The following FAT1 variants were observed in gnomAD, a reference collection of about 807,000 sequenced individuals.
FAT1 encodes the protein FAT atypical cadherin 1, also known as protocadherin Fat 1.
A neutral mutation model predicts 329.8 loss-of-function variants in FAT1; 171 were observed. The observed-to-expected ratio is 0.52, with a 90% CI of 0.46 to 0.59. FAT1 has a LOEUF of 0.59. FAT1 is among the 20% of genes least tolerant of loss of function. The probability of loss-of-function intolerance (pLI) is 0.00; values close to 1 mark genes in which losing one functional copy is unlikely to be tolerated. For missense variants in FAT1, 5,672 were observed against 5,774.4 expected (o/e 0.98, Z 0.57); for synonymous variants, 2,233 against 2,228.6 (o/e 1.00, Z -0.06).
intron 4 of FAT1, 92 bp from the exon 5 acceptor site, chr4:186,637,006 A>C: frequency 1.7e-6 from 2 of 1,182,268 alleles, no homozygotes; most frequent in Non-Finnish European, 2.4e-6. Flanking sequence ...ATGTGTGTAA[A>C]GCTCTGCATT....
intron 6 of FAT1, among the ~76,000 whole-genome samples, chr4:186,635,716 G>C (rs1740789327): frequency 6.6e-6 from 1 of 152,154 alleles, no homozygotes; most frequent in Non-Finnish European, 1.5e-5. Flanking sequence ...TAAATAAACA[G>C]TAAGAAGCTG....
chr4:186,588,881 A>C lies in FAT1; in HGVS notation c.13478T>G (p.Phe4493Cys). ...AGGTTCAGACATATCGAGGGGATAA[A>C]AATTGGGCAAATACTGATTCAAGTT... is the stretch of plus-strand genomic sequence containing the variant. ...RFNLNQYLPN[F>C]YPLDMSEPQT... The change falls in exon 27 of 27, where the codon TTT becomes TGT. Residue 4493 changes from phenylalanine to cysteine, a missense_variant. This residue lies in a region of FAT1 where 1,706 missense variants were observed against 1,859.1 expected (regional missense o/e 0.92). Transcript: ENST00000441802. The C allele has an allele frequency of 6.2e-7, 1 of 1,613,940 alleles. No individual in the cohort carries two copies. Among genetic ancestry groups the C allele is most frequent in the Non-Finnish European group, 8.5e-7 (1 of 1,179,882 alleles).
chr4:186,664,173 C>T (rs76126750), intron 2 of FAT1, among the ~76,000 whole-genome samples: 9 of 152,192 alleles, frequency 5.9e-5, no homozygotes, highest in African/African-American at 2.2e-4. Context: ...CCAGAAAGCT[C>T]GGTCTGCACA....
intron 2 of FAT1, among the ~76,000 whole-genome samples, chr4:186,702,922 T>C (rs775782305): frequency 3.3e-5 from 5 of 152,170 alleles, no homozygotes; most frequent in Non-Finnish European, 7.3e-5. Context: ...CTAAACATCT[T>C]TGTTAAATCT....
chr4:186,708,149 T>C lies in FAT1; in HGVS notation c.1679A>G (p.Asn560Ser), dbSNP rs965372725. 1.2e-6 allele frequency: 2 copies of C among 1,613,878 alleles called. No homozygotes were observed. The highest frequency in any genetic ancestry group is 1.7e-6 in the Non-Finnish European group (2 of 1,179,904). Residue 560 changes from asparagine (N) to serine (S), a missense_variant, in exon 2 of 27, where the codon AAT becomes AGT. By Grantham distance (46) the Asn-to-Ser change is conservative (BLOSUM62 1). Around this residue, in one of 2 missense-constraint regions of FAT1, gnomAD observed 3,966 missense variants for 3,915.2 expected, o/e 1.01. Transcript: ENST00000441802. ...EVEVLATITL[N>S]NLNDNTPLFE... The stretch of plus-strand genomic sequence containing the variant: ...CAAAGGTGTGTTGTCATTCAAGTTA[T>C]TGAGAGTAATTGTAGCAAGGACTTC...
intron 5 of FAT1, 63 bp downstream of exon 5, chr4:186,636,522 A>G: frequency 6.8e-7 from 1 of 1,469,020 alleles, no homozygotes; most frequent in Non-Finnish European, 9.2e-7. Flanking sequence ...CTAAAGAAAA[A>G]ATACAAAATA....
rs370797772 is a variant in FAT1, at chr4:186,613,095, T to C, written c.9463+14A>G. On this transcript the variant is annotated intron_variant, in intron 13 of 26. Coordinates refer to ENST00000441802, the MANE Select transcript of FAT1 (RefSeq NM_005245.4). The stretch of plus-strand genomic sequence containing the variant: ...CAGTGAGCAGCGTCAGGCAAGAGCA[T>C]TCCCGGGAGATACCTGCGTCGGCAT... 2.5e-6 allele frequency: 4 copies of C among 1,585,648 alleles called. No individual in the cohort carries two copies. Among genetic ancestry groups the C allele is most frequent in the African/African-American group, 1.3e-5 (1 of 74,496 alleles).
intron 2 of FAT1, among the ~76,000 whole-genome samples, chr4:186,683,895 A>T (rs112288992): frequency 3.4e-4 from 51 of 151,742 alleles, no homozygotes; most frequent in African/African-American, 1.2e-3. Flanking sequence ...TTCAGAGGGA[A>T]TTTTTTTTTA....
In FAT1 at chr4:186,628,531, T is replaced by A; in HGVS notation, c.4556A>T (p.Lys1519Ile). The change falls in exon 8 of 27, where the codon AAA becomes ATA. Residue 1519 changes from lysine to isoleucine, a missense_variant. Around this residue, in one of 2 missense-constraint regions of FAT1, gnomAD observed 3,966 missense variants for 3,915.2 expected, o/e 1.01. Coordinates refer to ENST00000441802, the MANE Select transcript of FAT1 (RefSeq NM_005245.4). ...PATGSLYTSEKLDHEAVHQHT... is the reference protein window; with the variant it reads ...PATGSLYTSEILDHEAVHQHT... Reference sequence around the variant, plus strand: ...CTGGTGAACAGCTTCATGATCCAGTTTCTCAGAAGTATAGAGAGAGCCGGT... The same window carrying A: ...CTGGTGAACAGCTTCATGATCCAGTATCTCAGAAGTATAGAGAGAGCCGGT... The A allele has an allele frequency of 1.2e-6, 2 of 1,614,026 alleles. No individual in the cohort carries two copies. The highest frequency in any genetic ancestry group is 1.7e-6 in the Non-Finnish European group (2 of 1,179,896).
upstream of FAT1, chr4:186,726,210 G>A (rs1351532306): frequency 6.6e-6 from 1 of 152,284 alleles, no homozygotes; most frequent in Non-Finnish European, 1.5e-5. Context: ...CACAAAGCCA[G>A]AGGGATGCGC....
chr4:186,673,007 A>G (rs1742802450), intron 2 of FAT1, among the ~76,000 whole-genome samples: 1 of 152,216 alleles, frequency 6.6e-6, no homozygotes, highest in African/African-American at 2.4e-5. Context: ...ACACAGCTTC[A>G]AAAAAGAAGA....
intron 6 of FAT1, among the ~76,000 whole-genome samples, chr4:186,635,349 A>G (rs902957988): frequency 6.6e-6 from 1 of 152,252 alleles, no homozygotes; most frequent in Non-Finnish European, 1.5e-5. Flanking sequence ...TGTGAAATTT[A>G]AAAAATACGT....
chr4:186,614,153 G>A lies in FAT1; in HGVS notation c.9229+38C>T, dbSNP rs1246532052. 2.6e-6 allele frequency: 4 copies of A among 1,547,980 alleles called. No homozygotes were observed. In the South Asian group the frequency reaches 5.0e-5, roughly 19 times the overall value. ...ATCACCCACATATATGATACTGTTG[G>A]AATATACAATTTATTTTGTCCCAAA... On this transcript the variant is annotated intron_variant, in intron 12 of 26. Transcript: ENST00000441802.
chr4:186,643,436 G>A (rs1053143872), intron 3 of FAT1, among the ~76,000 whole-genome samples: 39 of 152,242 alleles, frequency 2.6e-4, no homozygotes, highest in African/African-American at 8.4e-4. Flanking sequence ...CAAGGCTGCC[G>A]TAGTGCTTTT....
At chr4:186,598,334 CT>C (rs1412468004) in intron 22 of FAT1, among the ~76,000 whole-genome samples, 2 of 152,172 alleles carry the variant, frequency 1.3e-5, no homozygotes, top group African/African-American at 4.8e-5. Flanking sequence ...ACTCAGTTAG[CT>C]TTAGTTCATC....
upstream of FAT1, among the ~76,000 whole-genome samples, chr4:186,724,771 G>T (rs779235753): frequency 5.9e-5 from 9 of 152,244 alleles, no homozygotes; most frequent in African/African-American, 1.9e-4. The surrounding 1 kb of genome is among the most constrained non-coding windows in gnomAD (Gnocchi z 5.3). Flanking sequence ...CGGAGGCGCT[G>T]GGACGCAGCC....
chr4:186,690,195 G>C (rs1395701863), intron 2 of FAT1, among the ~76,000 whole-genome samples: 1 of 152,192 alleles, frequency 6.6e-6, no homozygotes, highest in South Asian at 2.1e-4. Context: ...AATTATACTT[G>C]TTAGGCATGA....
At chr4:186,706,201 C>A (rs1181649213) in intron 2 of FAT1, among the ~76,000 whole-genome samples, 1 of 152,114 alleles carries the variant, frequency 6.6e-6, no homozygotes, top group East Asian at 1.9e-4. Flanking sequence ...AATACACTGA[C>A]TGAAAAAAGT....
chr4:186,707,254 C>A lies in FAT1; in HGVS notation c.2574G>T (p.Thr858=), dbSNP rs376884651. The A allele has an allele frequency of 1.4e-5, 22 of 1,613,930 alleles. No homozygotes were observed. The highest frequency in any genetic ancestry group is 3.3e-4 in the Middle Eastern group (2 of 6,062). Residue 858 remains threonine (T), a synonymous_variant, in exon 2 of 27, where the codon ACG becomes ACT. Coordinates refer to ENST00000441802, the MANE Select transcript of FAT1 (RefSeq NM_005245.4). ...TGTCTGTGTCTGTAACAATTGAGTA[C>A]GTCACGTGTCCGTTGGGCCCCAGGT... ...DKDLGPNGHV[T]YSIVTDTDTF...
Sources: gnomAD v4.1 joint callset for allele counts (sites outside exome capture counted in the v4.1 genomes callset) on GRCh38, gnomAD v4.1.1 for gene constraint, gnomAD v4.1.1 regional missense constraint, Gnocchi (gnomAD v3.1) non-coding constraint, MANE v1.5 for transcripts, NCBI Gene and HGNC (gene_info 2026-07-23, HGNC 2026-07-21) for gene names.